The following GSE1 variants were observed in gnomAD, a reference collection of about 807,000 sequenced individuals.
GSE1 encodes genetic suppressor element 1.
In GSE1, 32 loss-of-function variants were observed where a neutral mutation model predicts 112.6. The ratio of observed to expected loss-of-function variants is 0.28; its 90% CI spans 0.21 to 0.38. GSE1 has a LOEUF of 0.38. GSE1 is among the 10% of genes least tolerant of loss of function. The pLI, the probability that GSE1 is intolerant of heterozygous loss-of-function variation, is 1.00. For missense variants in GSE1, 2,348 were observed against 1,699.2 expected, an observed-to-expected ratio of 1.38 and a Z score of -6.71; for synonymous variants, 1,115 against 735.6, an observed-to-expected ratio of 1.52 and a Z score of -8.35.
intron 1 of GSE1, among the ~76,000 whole-genome samples, chr16:85,178,855 C>T (rs1011225266): frequency 9.8e-4 from 11 of 11,248 alleles, no homozygotes; most frequent in Non-Finnish European, 1.5e-3. Context: ...GACTGAGGGA[C>T]GGTGAGGAGG....
intron 1 of GSE1, among the ~76,000 whole-genome samples, chr16:85,625,690 C>T (rs1053713075): frequency 2.6e-5 from 4 of 152,200 alleles, no homozygotes; most frequent in African/African-American, 9.6e-5. Flanking sequence ...TCCCCGTCAC[C>T]CCCATTCACA....
intron 2 of GSE1, among the ~76,000 whole-genome samples, chr16:85,449,648 T>A (rs758326199): frequency 6.6e-6 from 1 of 152,210 alleles, no homozygotes; most frequent in Non-Finnish European, 1.5e-5. Flanking sequence ...CCAGCTGAGA[T>A]GCATTCAGGA....
At chr16:85,573,600 T>C (rs1567604699) in intron 1 of GSE1, among the ~76,000 whole-genome samples, 1 of 152,212 alleles carries the variant, frequency 6.6e-6, no homozygotes, top group Non-Finnish European at 1.5e-5. Context: ...GGGGTCCTGC[T>C]GGTTTTCTGT....
intron 2 of GSE1, among the ~76,000 whole-genome samples, chr16:85,638,131 C>G (rs963509021): frequency 6.6e-6 from 1 of 152,228 alleles, no homozygotes; most frequent in Non-Finnish European, 1.5e-5. Flanking sequence ...CTGGAAGTGC[C>G]TCTCGGTTTT....
chr16:85,675,044 C>T lies in GSE1; in HGVS notation c.*2505C>T, dbSNP rs1361892318. 1.3e-5 allele frequency: 2 copies of T among 152,426 alleles called. No homozygotes were observed. Among genetic ancestry groups the T allele is most frequent in the East Asian group, 3.8e-4 (2 of 5,204 alleles). The allele number at this position is 152,426 out of a possible 1,614,324, so 9.4% of individuals were successfully genotyped here. On this transcript the variant is annotated 3_prime_UTR_variant, in exon 16 of 16. Coordinates refer to ENST00000253458, the MANE Select transcript of GSE1 (RefSeq NM_014615.5). The stretch of plus-strand genomic sequence containing the variant: ...GACACAGTACCCAGTCATGGTTTCC[C>T]CATCCAACTATTAGTTTCATACTTT...
intron 2 of GSE1, among the ~76,000 whole-genome samples, chr16:85,376,476 A>T (rs1052905301): frequency 3.3e-5 from 5 of 152,108 alleles, no homozygotes; most frequent in African/African-American, 1.2e-4. Flanking sequence ...TTGATGGCAG[A>T]TTTGGGCACA....
chr16:85,565,822 C>G (rs1040783321), intron 1 of GSE1, among the ~76,000 whole-genome samples: 1 of 152,228 alleles, frequency 6.6e-6, no homozygotes, highest in Non-Finnish European at 1.5e-5. Flanking sequence ...GACCCTGGGT[C>G]TCGGCCATGC....
At chr16:85,199,246 C>T (rs1344303839) in intron 1 of GSE1, among the ~76,000 whole-genome samples, 2 of 152,026 alleles carry the variant, frequency 1.3e-5, no homozygotes, top group Admixed American at 6.6e-5. Flanking sequence ...CATGAGCCAC[C>T]GTGCCCCGCC....
At chr16:85,357,776 G>A in intron 2 of GSE1, 1 of 431,912 alleles carries the variant, frequency 2.3e-6, no homozygotes, top group South Asian at 2.2e-5. Flanking sequence ...GGAGAGACCG[G>A]GTGCTGGGTC....
intron 2 of GSE1, among the ~76,000 whole-genome samples, chr16:85,369,597 C>T (rs534255387): frequency 6.6e-6 from 1 of 152,156 alleles, no homozygotes; most frequent in Non-Finnish European, 1.5e-5. Flanking sequence ...AGATGCCCCT[C>T]GCCACCCTGG....
intron 2 of GSE1, among the ~76,000 whole-genome samples, chr16:85,457,227 G>A (rs536234631): frequency 1.1e-4 from 17 of 152,334 alleles, no homozygotes; most frequent in East Asian, 3.9e-4. Context: ...CAGAGGCCCC[G>A]TCAGAGCTTA....
intron 1 of GSE1, among the ~76,000 whole-genome samples, chr16:85,240,943 C>G (rs1478577693): frequency 2.0e-5 from 3 of 152,176 alleles, no homozygotes; most frequent in African/African-American, 4.8e-5. Flanking sequence ...CCTGCTAGCT[C>G]CCTCCTAGAA....
chr16:85,624,966 A>T (rs2048971936), intron 1 of GSE1, among the ~76,000 whole-genome samples: 1 of 152,166 alleles, frequency 6.6e-6, no homozygotes, highest in Non-Finnish European at 1.5e-5. Context: ...CTGCTTACGT[A>T]AAGGGAAGTA....
intron 1 of GSE1, among the ~76,000 whole-genome samples, chr16:85,198,185 G>A (rs945990496): frequency 2.0e-5 from 3 of 152,292 alleles, no homozygotes; most frequent in African/African-American, 7.2e-5. Context: ...GCTGGGAGCT[G>A]CAGTGAACCT....
upstream of GSE1, among the ~76,000 whole-genome samples, chr16:85,553,611 G>A (rs1249054978): frequency 6.6e-6 from 1 of 152,066 alleles, no homozygotes; most frequent in African/African-American, 2.4e-5. Flanking sequence ...GAGCCCCGGA[G>A]GAAGGCGGCC....
chr16:85,508,479 G>T (rs995629550), intron 2 of GSE1, among the ~76,000 whole-genome samples: 2 of 152,220 alleles, frequency 1.3e-5, no homozygotes, highest in African/African-American at 4.8e-5. Context: ...TCCAGGAGGA[G>T]CACACGCCAT....
intron 1 of GSE1, among the ~76,000 whole-genome samples, chr16:85,197,305 G>A (rs776066949): frequency 2.9e-4 from 44 of 152,178 alleles, no homozygotes; most frequent in Admixed American, 7.9e-4. Flanking sequence ...TCTTCCCAAT[G>A]CCTGGGAAAG....
At chr16:85,666,408 T>A in intron 13 of GSE1, 61 bp downstream of exon 13, 1 of 1,572,356 alleles carries the variant, frequency 6.4e-7, no homozygotes, top group African/African-American at 1.3e-5. Context: ...CCAAAGTTGC[T>A]GAGCGCCACA....
At chr16:85,553,939 A>G (rs1023452453), upstream of GSE1, among the ~76,000 whole-genome samples, 6 of 152,192 alleles carry the variant, frequency 3.9e-5, no homozygotes, top group Admixed American at 3.3e-4. Flanking sequence ...GAGCGTTGGC[A>G]GGAACCCAAG....
Sources: gnomAD v4.1 joint callset for allele counts (sites outside exome capture counted in the v4.1 genomes callset) on GRCh38, gnomAD v4.1.1 for gene constraint, MANE v1.5 for transcripts, NCBI Gene and HGNC (gene_info 2026-07-23, HGNC 2026-07-21) for gene names.